Variants in ANKS1B observed in about 807,000 individuals in gnomAD.
The protein encoded by ANKS1B is ankyrin repeat and sterile alpha motif domain containing 1B.
In ANKS1B, 36 loss-of-function variants were observed where a neutral mutation model predicts 148.3. The observed-to-expected ratio is 0.24, with a 90% CI of 0.19 to 0.32. The LOEUF (loss-of-function observed/expected upper bound fraction) is 0.32, where lower values mean the gene tolerates loss of function less well. Ranked by LOEUF, ANKS1B falls within the 10% of genes least tolerant of loss-of-function variation. ANKS1B has a pLI of 1.00. For missense variants in ANKS1B, 1,157 were observed against 1,542.6 expected (o/e 0.75, Z 4.19); for synonymous variants, 542 against 560.8 (o/e 0.97, Z 0.47).
intron 14 of ANKS1B, chr12:99,154,894 A>T (rs980225276): frequency 6.5e-7 from 1 of 1,535,256 alleles, no homozygotes; most frequent in Admixed American, 2.0e-5. Context: ...CGCATTTTCA[A>T]TAATAGCCAT....
chr12:98,983,513 C>T lies in ANKS1B; in HGVS notation c.2778+69644G>A, dbSNP rs552435660. Among the ~76,000 whole-genome samples the T allele has an allele frequency of 3.1e-4, 47 of 152,244 alleles. 1 individual carries two copies. Among genetic ancestry groups the T allele is most frequent in the African/African-American group, 1.1e-3 (47 of 41,536 alleles). On this transcript the variant is annotated intron_variant, in intron 17 of 26. Transcript: ENST00000683438. ...ATCTCCCTTTTGTCATATAATGCAC[C>T]ATAGTCACAAGAATAATTCCAGCGA...
chr12:99,554,364 G>T (rs1596959919), intron 9 of ANKS1B, among the ~76,000 whole-genome samples: 1 of 152,160 alleles, frequency 6.6e-6, no homozygotes, highest in South Asian at 2.1e-4. Context: ...ACCATGAAAT[G>T]CTGAAACAGT....
rs903020961 is a variant in ANKS1B at position 98,744,472 on chromosome 12, T to A, written c.*1267A>T. The A allele has an allele frequency of 1.3e-5, 9 of 683,508 alleles. No homozygotes were observed. The highest frequency in any genetic ancestry group is 7.8e-5 in the African/African-American group (4 of 51,466). The allele number at this position is 683,508 out of a possible 1,614,324, so 42.3% of individuals were successfully genotyped here. A position where few individuals can be genotyped will look rare whatever the true frequency, so the allele number is the denominator to read the frequency against. On this transcript the variant is annotated 3_prime_UTR_variant, in exon 27 of 27. Transcript: ENST00000683438. Reference sequence around the variant, plus strand: ...ATTGTTAGAACAATATACATTAAAATGTTATTTTTTTCTATAATGATATTG... The same window carrying A: ...ATTGTTAGAACAATATACATTAAAAAGTTATTTTTTTCTATAATGATATTG...
At chr12:99,146,620 T>C (rs2073206724) in intron 15 of ANKS1B, among the ~76,000 whole-genome samples, 1 of 152,138 alleles carries the variant, frequency 6.6e-6, no homozygotes, top group African/African-American at 2.4e-5. Context: ...GGTTGGATCG[T>C]GCTCTGAACA....
At chr12:99,102,240 A>G (rs2058114586) in intron 15 of ANKS1B, among the ~76,000 whole-genome samples, 1 of 152,104 alleles carries the variant, frequency 6.6e-6, no homozygotes, top group Non-Finnish European at 1.5e-5. Flanking sequence ...GCTCATGAGG[A>G]CCCCAGGAGG....
chr12:99,974,801 T>C (rs945109773), intron 1 of ANKS1B, among the ~76,000 whole-genome samples: 2 of 152,070 alleles, frequency 1.3e-5, no homozygotes, highest in African/African-American at 4.8e-5. Flanking sequence ...GTGATCCTCC[T>C]ACCTTGGCCT....
At chr12:98,774,636 T>C (rs1303716866) in intron 24 of ANKS1B, among the ~76,000 whole-genome samples, 4 of 152,206 alleles carry the variant, frequency 2.6e-5, no homozygotes, top group Non-Finnish European at 5.9e-5. Context: ...ACTTTTTAAT[T>C]GCGCTGTCTT....
chr12:98,759,047 C>T (rs2153430955), intron 25 of ANKS1B, among the ~76,000 whole-genome samples: 1 of 151,706 alleles, frequency 6.6e-6, no homozygotes, highest in Admixed American at 6.6e-5. Context: ...TCCCAAAGTG[C>T]TAGAATTATA....
intron 1 of ANKS1B, among the ~76,000 whole-genome samples, chr12:99,928,701 A>C (rs1231263075): frequency 6.6e-6 from 1 of 152,254 alleles, no homozygotes; most frequent in East Asian, 1.9e-4. Context: ...GAATAAGCAG[A>C]AAGTAAGAGA....
intron 16 of ANKS1B, among the ~76,000 whole-genome samples, chr12:99,071,235 CTG>C (rs1276663202): frequency 6.6e-6 from 1 of 152,182 alleles, no homozygotes; most frequent in African/African-American, 2.4e-5. Flanking sequence ...TCTCCTTGCA[CTG>C]TGTCTTGGGA....
chr12:99,530,975 T>C (rs566484211), intron 9 of ANKS1B, among the ~76,000 whole-genome samples: 4 of 152,156 alleles, frequency 2.6e-5, no homozygotes, highest in Non-Finnish European at 5.9e-5. Flanking sequence ...GCCTCCATCC[T>C]GAATGACATA....
intron 12 of ANKS1B, among the ~76,000 whole-genome samples, chr12:99,304,737 A>C (rs1020008870): frequency 3.3e-5 from 5 of 152,118 alleles, no homozygotes; most frequent in Non-Finnish European, 7.4e-5. Flanking sequence ...CTCTGGGAAT[A>C]TGTCTGATGG....
At chr12:98,822,682 A>T (rs1420796927) in intron 19 of ANKS1B, among the ~76,000 whole-genome samples, 1 of 152,122 alleles carries the variant, frequency 6.6e-6, no homozygotes, top group Non-Finnish European at 1.5e-5. Flanking sequence ...GCACCAGCAC[A>T]TGGAGACAAG....
At chr12:99,509,958 G>T (rs1476238555) in intron 9 of ANKS1B, among the ~76,000 whole-genome samples, 1 of 151,990 alleles carries the variant, frequency 6.6e-6, no homozygotes, top group East Asian at 1.9e-4. Context: ...CCTTAAAAAT[G>T]ATGCTAAATC....
chr12:99,620,470 A>G (rs2153371180), intron 9 of ANKS1B, among the ~76,000 whole-genome samples: 1 of 152,342 alleles, frequency 6.6e-6, no homozygotes, highest in East Asian at 1.9e-4. Context: ...GTTGAAAATC[A>G]ACACAAATAA....
intron 12 of ANKS1B, among the ~76,000 whole-genome samples, chr12:99,250,229 C>T (rs2074399108): frequency 6.6e-6 from 1 of 152,158 alleles, no homozygotes; most frequent in Admixed American, 6.6e-5. Flanking sequence ...GTTGTCTGGT[C>T]ATTAGAGCAG....
intron 17 of ANKS1B, among the ~76,000 whole-genome samples, chr12:98,942,785 C>G (rs1385558598): frequency 6.6e-6 from 1 of 152,184 alleles, no homozygotes; most frequent in Non-Finnish European, 1.5e-5. Context: ...CTGTGAGAAT[C>G]GTCCTCTTTA....
intron 12 of ANKS1B, among the ~76,000 whole-genome samples, chr12:99,397,286 A>C (rs576095583): frequency 6.6e-6 from 1 of 152,272 alleles, no homozygotes; most frequent in East Asian, 1.9e-4. Context: ...TAATTAATTC[A>C]TTGTTAATCT....
In ANKS1B at chr12:99,178,451, T is replaced by C. The variant is rs1217499480; in HGVS notation, c.2420-24056A>G. On this transcript the variant is annotated intron_variant, in intron 14 of 26. Coordinates refer to ENST00000683438, the MANE Select transcript of ANKS1B (RefSeq NM_001352186.2). Reference sequence around the variant, plus strand: ...AACACACATGCTTTCTTATTACCTTTGACTGGCAGGCTTGTTGGGGGAGAG... The same window carrying C: ...AACACACATGCTTTCTTATTACCTTCGACTGGCAGGCTTGTTGGGGGAGAG... 5.3e-5 allele frequency among the ~76,000 whole-genome samples: 8 copies of C among 152,352 alleles called. No individual in the cohort carries two copies. The South Asian group carries it at 6.2e-4, about 12-fold the overall frequency.
Sources: gnomAD v4.1 joint callset for allele counts (sites outside exome capture counted in the v4.1 genomes callset) on GRCh38, gnomAD v4.1.1 for gene constraint, MANE v1.5 for transcripts, NCBI Gene and HGNC (gene_info 2026-07-23, HGNC 2026-07-21) for gene names.